IFT74: variants seen among roughly 807,000 people sequenced by gnomAD.
IFT74 encodes intraflagellar transport 74, also known as intraflagellar transport protein 74 homolog.
In IFT74, 92 loss-of-function variants were observed where a neutral mutation model predicts 96.7. The ratio of observed to expected loss-of-function variants is 0.95; its 90% CI spans 0.80 to 1.13. The LOEUF (loss-of-function observed/expected upper bound fraction) is 1.13, where lower values mean the gene tolerates loss of function less well. Among genes scored for constraint, IFT74 ranks in the 50% most tolerant of loss-of-function variants. The pLI is 0.00. For missense variants in IFT74, 811 were observed against 698.2 expected, an observed-to-expected ratio of 1.16 and a Z score of -1.82; for synonymous variants, 223 against 213.2, an observed-to-expected ratio of 1.05 and a Z score of -0.40.
intron 16 of IFT74, among the ~76,000 whole-genome samples, chr9:27,048,659 G>A (rs1477098525): frequency 2.0e-5 from 3 of 152,180 alleles, no homozygotes; most frequent in Non-Finnish European, 4.4e-5. Flanking sequence ...GGGAGAATGA[G>A]GGAGTAGTAA....
intron 12 of IFT74, among the ~76,000 whole-genome samples, chr9:27,021,764 T>C (rs1829615314): frequency 1.3e-5 from 2 of 152,224 alleles, no homozygotes; most frequent in South Asian, 4.1e-4. Context: ...AGGAAAGTTT[T>C]CTCCAACTCT....
At chr9:27,054,128 C>A (rs1215924712) in intron 16 of IFT74, among the ~76,000 whole-genome samples, 1 of 152,180 alleles carries the variant, frequency 6.6e-6, no homozygotes, top group African/African-American at 2.4e-5. Flanking sequence ...TGGATAACAG[C>A]CTGTTTTCTC....
chr9:26,983,403 T>C (rs1827474552), intron 4 of IFT74, among the ~76,000 whole-genome samples: 1 of 152,214 alleles, frequency 6.6e-6, no homozygotes, highest in South Asian at 2.1e-4. Context: ...TCTCAACTGG[T>C]GGTGATTTTG....
chr9:27,053,032 T>G (rs1330407196), intron 16 of IFT74, among the ~76,000 whole-genome samples: 4 of 151,984 alleles, frequency 2.6e-5, no homozygotes, highest in Non-Finnish European at 4.4e-5. Context: ...CCCGGCTAAT[T>G]TTTTGTATTT....
In IFT74 at chr9:26,980,555, A is replaced by G. The variant is rs1282668763; in HGVS notation, c.257-16A>G. 1 of 1,577,088 alleles carries G rather than the reference A, an allele frequency of 6.3e-7. No homozygotes were observed. Reference sequence around the variant, plus strand: ...ATTTCGAACTGAACACTAACACTTAAAACATTTTTTTTTAGGTCCCCAGAG... The same window carrying G: ...ATTTCGAACTGAACACTAACACTTAGAACATTTTTTTTTAGGTCCCCAGAG... On this transcript the variant is annotated splice_polypyrimidine_tract_variant and intron_variant, in intron 3 of 19. Coordinates refer to ENST00000380062, the MANE Select transcript of IFT74 (RefSeq NM_025103.4).
chr9:27,058,542 C>T (rs192081290), intron 18 of IFT74, among the ~76,000 whole-genome samples: 74 of 152,270 alleles, frequency 4.9e-4, no homozygotes, highest in Non-Finnish European at 8.8e-4. Context: ...CCAGCCACCA[C>T]GCCTGTCTAA....
intron 11 of IFT74, among the ~76,000 whole-genome samples, chr9:27,018,156 A>G (rs1433238652): frequency 2.0e-5 from 3 of 152,228 alleles, no homozygotes; most frequent in African/African-American, 7.2e-5. Flanking sequence ...GATAAGCAAT[A>G]AATAATCTTT....
At chr9:26,975,757 TTGCC>T (rs1827087655) in intron 2 of IFT74, among the ~76,000 whole-genome samples, 1 of 152,196 alleles carries the variant, frequency 6.6e-6, no homozygotes, top group Non-Finnish European at 1.5e-5. Flanking sequence ...TAGAGATTTC[TTGCC>T]TATCGATTTC....
At chr9:26,995,990 G>T in intron 8 of IFT74, 1 of 676,810 alleles carries the variant, frequency 1.5e-6, no homozygotes, top group African/African-American at 1.8e-5. Context: ...TTTGTTTGGT[G>T]GATGAATTCT....
chr9:27,057,312 T>C (rs1331042976), intron 18 of IFT74, among the ~76,000 whole-genome samples: 2 of 152,078 alleles, frequency 1.3e-5, no homozygotes, highest in South Asian at 2.1e-4. Flanking sequence ...ACTTGAACAG[T>C]GTGTGAGGTC....
intron 8 of IFT74, among the ~76,000 whole-genome samples, chr9:26,990,596 A>AT (rs1231749619): frequency 6.6e-6 from 1 of 152,166 alleles, no homozygotes; most frequent in Admixed American, 6.6e-5. Flanking sequence ...TAGCATTGAT[A>AT]TTTAATAGTT....
intron 9 of IFT74, 63 bp downstream of exon 9, chr9:27,009,221 A>G (rs1036869997): frequency 8.9e-6 from 13 of 1,453,968 alleles, no homozygotes; most frequent in Non-Finnish European, 8.5e-6. Flanking sequence ...GTATAGTTTG[A>G]ATATCAGCAG....
chr9:27,036,295 G>A (rs1018026304), intron 13 of IFT74, among the ~76,000 whole-genome samples: 1 of 151,948 alleles, frequency 6.6e-6, no homozygotes, highest in African/African-American at 2.4e-5. Flanking sequence ...GTTTTTCAAG[G>A]GTCAACTGTA....
At chr9:27,016,859 T>G in intron 10 of IFT74, 48 bp from the exon 11 acceptor site, 1 of 1,446,344 alleles carries the variant, frequency 6.9e-7, no homozygotes, top group African/African-American at 1.4e-5. Context: ...TTTAGAATAA[T>G]TATTGATAAA....
intron 13 of IFT74, among the ~76,000 whole-genome samples, chr9:27,033,981 C>T (rs576752171): frequency 1.2e-4 from 18 of 147,728 alleles, no homozygotes; most frequent in Admixed American, 1.2e-3. Flanking sequence ...GACTGTTAGG[C>T]CTGAATTTGT....
rs12003498 is a variant in IFT74, at chr9:26,970,059, C to A, written c.120+7972C>A. Among the ~76,000 whole-genome samples, 815 of 151,782 alleles carry A rather than the reference C, an allele frequency of 5.4e-3. 8 individuals carry two copies. The highest frequency in any genetic ancestry group is 0.017 in the African/African-American group (712 of 41,402). On this transcript the variant is annotated intron_variant, in intron 2 of 19. Coordinates refer to ENST00000380062, the MANE Select transcript of IFT74 (RefSeq NM_025103.4). ...TTTTTAATTTCCACTGAAAGGTCTG[C>A]TTTTATTCTGATAGGATTGTCTTTG...
chr9:26,948,831 G>C (rs1825846384), intron 1 of IFT74, among the ~76,000 whole-genome samples: 1 of 151,930 alleles, frequency 6.6e-6, no homozygotes, highest in Non-Finnish European at 1.5e-5. Context: ...TGTTTTACTA[G>C]ATTCATCTCC....
Position 26,968,700 on chromosome 9 carries a change from T to C in IFT74, c.120+6613T>C, listed in dbSNP as rs183145567. Among the ~76,000 whole-genome samples the C allele has an allele frequency of 4.2e-3, 633 of 152,318 alleles. 6 individuals are homozygous for C. Among genetic ancestry groups the C allele is most frequent in the African/African-American group, 0.015 (616 of 41,570 alleles). ...TTCCAGATTTTCCAACTTATTGGCA[T>C]AGAGTTGCTCATAGTGGCCTCTAAT... On this transcript the variant is annotated intron_variant, in intron 2 of 19. Coordinates refer to ENST00000380062, the MANE Select transcript of IFT74 (RefSeq NM_025103.4).
chr9:27,006,064 A>G (rs1828760273), intron 8 of IFT74, among the ~76,000 whole-genome samples: 1 of 151,846 alleles, frequency 6.6e-6, no homozygotes, highest in Non-Finnish European at 1.5e-5. Flanking sequence ...GGCTGGTCTC[A>G]AACTCCTGAC....
Sources: gnomAD v4.1 joint callset for allele counts (sites outside exome capture counted in the v4.1 genomes callset) on GRCh38, gnomAD v4.1.1 for gene constraint, MANE v1.5 for transcripts, NCBI Gene and HGNC (gene_info 2026-07-23, HGNC 2026-07-21) for gene names.